PARD3: variants seen among roughly 807,000 people sequenced by gnomAD.
PARD3 encodes the protein partitioning defective 3 homolog.
A neutral mutation model predicts 155.4 loss-of-function variants in PARD3; 75 were observed. That is an observed-to-expected ratio of 0.48 (90% confidence interval 0.40 to 0.58). PARD3 has a LOEUF of 0.58. Among genes scored for constraint, PARD3 ranks in the 20% least tolerant of loss-of-function variants. The probability of loss-of-function intolerance (pLI) is 0.00; values close to 1 mark genes in which losing one functional copy is unlikely to be tolerated. For synonymous variants in PARD3, 576 were observed against 610.5 expected (o/e 0.94, Z 0.83); for missense variants, 1,642 against 1,721.7 (o/e 0.95, Z 0.82).
chr10:34,684,826 CACACATAT>C (rs1215659278), intron 2 of PARD3, among the ~76,000 whole-genome samples: 1 of 90,394 alleles, frequency 1.1e-5, no homozygotes, highest in Non-Finnish European at 2.2e-5. Flanking sequence ...CACACACACA[CACACATAT>C]ATACACACAC....
At chr10:34,748,478 AAAAAAG>A (rs530589801) in intron 1 of PARD3, among the ~76,000 whole-genome samples, 2 of 152,058 alleles carry the variant, frequency 1.3e-5, no homozygotes, top group Non-Finnish European at 2.9e-5. Context: ...CTCTGTCTCA[AAAAAAG>A]AAAAAGAAAA....
intron 1 of PARD3, 80 bp downstream of exon 1, chr10:34,814,796 C>T: frequency 2.4e-6 from 3 of 1,235,764 alleles, no homozygotes; most frequent in Non-Finnish European, 2.2e-6. Context: ...GCCTCTCCTC[C>T]CCCTTCCAGG....
At chr10:34,483,719 A>G (rs2079254185) in intron 3 of PARD3, among the ~76,000 whole-genome samples, 1 of 152,178 alleles carries the variant, frequency 6.6e-6, no homozygotes, top group Non-Finnish European at 1.5e-5. Flanking sequence ...GGAAAACTAA[A>G]TACAGTTGAT....
intron 20 of PARD3, among the ~76,000 whole-genome samples, chr10:34,305,040 A>G (rs1957336345): frequency 6.6e-6 from 1 of 152,226 alleles, no homozygotes; most frequent in African/African-American, 2.4e-5. Flanking sequence ...ATCACTTTAA[A>G]GTATCTGTTC....
intron 1 of PARD3, among the ~76,000 whole-genome samples, chr10:34,795,280 C>A (rs557302860): frequency 6.6e-6 from 1 of 152,224 alleles, no homozygotes; most frequent in East Asian, 1.9e-4. Flanking sequence ...CACGGCAGGT[C>A]CGGAGGGAGA....
intron 1 of PARD3, among the ~76,000 whole-genome samples, chr10:34,703,961 G>A (rs2094324416): frequency 6.6e-6 from 1 of 152,200 alleles, no homozygotes; most frequent in Non-Finnish European, 1.5e-5. Flanking sequence ...GTAAGTGGAA[G>A]ATGTGTTCCA....
chr10:34,457,731 C>T (rs2077411697), intron 4 of PARD3, among the ~76,000 whole-genome samples: 1 of 151,970 alleles, frequency 6.6e-6, no homozygotes, highest in Non-Finnish European at 1.5e-5. Flanking sequence ...CTCCCAAGTA[C>T]CTAAGACTAC....
intron 2 of PARD3, among the ~76,000 whole-genome samples, chr10:34,668,052 C>T (rs982482801): frequency 6.6e-6 from 1 of 152,044 alleles, no homozygotes; most frequent in East Asian, 1.9e-4. Context: ...TGTCCTCAAG[C>T]GGCCTGAAAT....
At chr10:34,353,306 T>G (rs549015150) in intron 14 of PARD3, among the ~76,000 whole-genome samples, 36 of 152,208 alleles carry the variant, frequency 2.4e-4, no homozygotes, top group Non-Finnish European at 5.0e-4. Context: ...GAAAGAGAGA[T>G]CAGATTTTTA....
intron 16 of PARD3, among the ~76,000 whole-genome samples, chr10:34,340,926 G>T (rs1049329011): frequency 1.3e-5 from 2 of 152,126 alleles, no homozygotes; most frequent in African/African-American, 4.8e-5. Flanking sequence ...ACTTCACATG[G>T]TTTGTGTTAA....
intron 3 of PARD3, among the ~76,000 whole-genome samples, chr10:34,499,361 C>G (rs1389443023): frequency 6.6e-6 from 1 of 152,124 alleles, no homozygotes; most frequent in Non-Finnish European, 1.5e-5. Context: ...TCAAGGGTAT[C>G]TCCATTTTCT....
At chr10:34,235,786 C>G (rs1462931066) in intron 22 of PARD3, among the ~76,000 whole-genome samples, 2 of 152,156 alleles carry the variant, frequency 1.3e-5, no homozygotes, top group Non-Finnish European at 2.9e-5. Flanking sequence ...TTTTGCATGT[C>G]TTTTATATTT....
At chr10:34,655,534 A>G (rs530338521) in intron 2 of PARD3, among the ~76,000 whole-genome samples, 4 of 152,318 alleles carry the variant, frequency 2.6e-5, no homozygotes, top group African/African-American at 7.2e-5. Flanking sequence ...TCATACTCCA[A>G]AACTCCACTC....
rs529844377 is a variant in PARD3, at chr10:34,219,642, T to C, written c.3419+50015A>G. On this transcript the variant is annotated intron_variant, in intron 22 of 24. Coordinates refer to ENST00000374788, the MANE Select transcript of PARD3 (RefSeq NM_001184785.2). Reference sequence around the variant, plus strand: ...TTTCTAGTTTGCAGGTGTTTCGAAGTTCCTTGCCGAGCCTAACCTCAGCCT... The same window carrying C: ...TTTCTAGTTTGCAGGTGTTTCGAAGCTCCTTGCCGAGCCTAACCTCAGCCT... 1.6e-4 allele frequency among the ~76,000 whole-genome samples: 25 copies of C among 152,310 alleles called. 1 individual carries two copies. In the South Asian group the frequency reaches 5.2e-3, roughly 32 times the overall value.
intron 20 of PARD3, among the ~76,000 whole-genome samples, chr10:34,297,935 G>C (rs1357489778): frequency 6.6e-6 from 1 of 152,218 alleles, no homozygotes. Context: ...GAAGATAAAA[G>C]ACAGTAGTTA....
chr10:34,740,366 T>A (rs1429033659), intron 1 of PARD3, among the ~76,000 whole-genome samples: 1 of 152,210 alleles, frequency 6.6e-6, no homozygotes, highest in East Asian at 1.9e-4. Flanking sequence ...AATGGATCAG[T>A]GCATCTGGTC....
intron 20 of PARD3, among the ~76,000 whole-genome samples, chr10:34,305,929 T>C (rs572636613): frequency 6.6e-6 from 1 of 152,304 alleles, no homozygotes; most frequent in African/African-American, 2.4e-5. Context: ...GCAAGGATCA[T>C]GTTACTGCAC....
intron 22 of PARD3, among the ~76,000 whole-genome samples, chr10:34,165,598 T>C (rs1035287320): frequency 2.0e-4 from 31 of 152,198 alleles, no homozygotes; most frequent in Non-Finnish European, 5.9e-5. Flanking sequence ...CACCCAACAA[T>C]TTGGCCTTAA....
chr10:34,374,429 T>A (rs1841013078), intron 11 of PARD3, among the ~76,000 whole-genome samples: 1 of 152,202 alleles, frequency 6.6e-6, no homozygotes, highest in African/African-American at 2.4e-5. Flanking sequence ...AAGGTATTCC[T>A]TTTCATACAA....
Sources: allele counts gnomAD v4.1 joint callset (sites outside exome capture counted in the v4.1 genomes callset), GRCh38; gene constraint gnomAD v4.1.1; transcripts MANE v1.5; gene names NCBI Gene and HGNC (gene_info 2026-07-23, HGNC 2026-07-21).